PTPRG: variants seen among roughly 807,000 people sequenced by gnomAD.
The protein encoded by PTPRG is protein tyrosine phosphatase receptor type G, also known as receptor-type tyrosine-protein phosphatase gamma.
A neutral mutation model predicts 165.3 loss-of-function variants in PTPRG; 102 were observed. The observed-to-expected ratio is 0.62, with a 90% CI of 0.53 to 0.73. The LOEUF is 0.73. Ranked by LOEUF, PTPRG falls within the 30% of genes least tolerant of loss-of-function variation. The pLI, the probability that PTPRG is intolerant of heterozygous loss-of-function variation, is 0.00. For missense variants in PTPRG, 1,866 were observed against 1,861.4 expected, an observed-to-expected ratio of 1.00 and a Z score of -0.05; for synonymous variants, 675 against 669.5, an observed-to-expected ratio of 1.01 and a Z score of -0.13.
chr3:62,239,360 C>CTTTTTTTTTTTTTTTTTTTTTTTTT (rs776921598), intron 14 of PTPRG, among the ~76,000 whole-genome samples: 1 of 124,538 alleles, frequency 8.0e-6, no homozygotes, highest in African/African-American at 3.1e-5. Flanking sequence ...TTTTTTCTTT[C>CTTTTTTTTTTTTTTTTTTTTTTTTT]TTTTTTTTTT....
At chr3:61,836,062 C>CCAA (rs2036450402) in intron 2 of PTPRG, among the ~76,000 whole-genome samples, 60 of 103,584 alleles carry the variant, frequency 5.8e-4, no homozygotes, top group South Asian at 8.3e-4. Flanking sequence ...CCCCCCCCAC[C>CCAA]AAAAAAAAAA....
chr3:62,123,965 C>G (rs1489826508), intron 5 of PTPRG, among the ~76,000 whole-genome samples: 1 of 152,162 alleles, frequency 6.6e-6, no homozygotes, highest in Non-Finnish European at 1.5e-5. Context: ...AACCTTCCAA[C>G]TGCAGAAAGG....
chr3:62,075,764 C>CAAATCTCT (rs1701360090), intron 4 of PTPRG, among the ~76,000 whole-genome samples: 1 of 152,152 alleles, frequency 6.6e-6, no homozygotes, highest in African/African-American at 2.4e-5. Context: ...TGTTCACCGT[C>CAAATCTCT]AAATCTCTAA....
intron 12 of PTPRG, among the ~76,000 whole-genome samples, chr3:62,207,608 A>G (rs1700261273): frequency 6.6e-6 from 1 of 152,214 alleles, no homozygotes; most frequent in African/African-American, 2.4e-5. Context: ...ACTTTAATCA[A>G]TACCTGGTCT....
chr3:61,686,441 A>G (rs555122899), intron 1 of PTPRG, among the ~76,000 whole-genome samples: 46 of 152,286 alleles, frequency 3.0e-4, no homozygotes, highest in South Asian at 1.0e-3. Flanking sequence ...AGACGTCACT[A>G]TTGGGGACTT....
intron 28 of PTPRG, among the ~76,000 whole-genome samples, chr3:62,284,043 G>A (rs957133740): frequency 2.0e-5 from 3 of 152,006 alleles, no homozygotes; most frequent in African/African-American, 7.2e-5. Context: ...GTGGTATACA[G>A]TTACAGCATA....
At chr3:62,058,521 C>T (rs1292273372) in intron 4 of PTPRG, among the ~76,000 whole-genome samples, 2 of 152,040 alleles carry the variant, frequency 1.3e-5, no homozygotes, top group Non-Finnish European at 2.9e-5. Flanking sequence ...TCATCCCCCT[C>T]CCCCTCATAC....
chr3:61,973,682 A>G (rs1395408151), intron 2 of PTPRG, among the ~76,000 whole-genome samples: 1 of 151,926 alleles, frequency 6.6e-6, no homozygotes, highest in Non-Finnish European at 1.5e-5. Flanking sequence ...AAATATGAAA[A>G]TTACCTGGGC....
intron 17 of PTPRG, among the ~76,000 whole-genome samples, chr3:62,265,653 G>A (rs547811009): frequency 2.0e-3 from 298 of 152,156 alleles, no homozygotes; most frequent in Non-Finnish European, 3.4e-3. Flanking sequence ...AAAAAGCCAG[G>A]GGGAGAACAA....
At chr3:61,752,803 A>AAAAAAAG (rs2033493054) in intron 2 of PTPRG, among the ~76,000 whole-genome samples, 8 of 33,132 alleles carry the variant, frequency 2.4e-4, no homozygotes, top group African/African-American at 5.9e-4. Flanking sequence ...AAAAAAAAAG[A>AAAAAAAG]AAAAAAAAAA....
intron 2 of PTPRG, among the ~76,000 whole-genome samples, chr3:61,931,818 T>C (rs2107584677): frequency 1.3e-5 from 2 of 152,310 alleles, no homozygotes. Context: ...CTGATCCATG[T>C]TATTTGTTGA....
chr3:62,019,537 A>AG (rs1176818480), intron 4 of PTPRG, among the ~76,000 whole-genome samples: 2 of 151,976 alleles, frequency 1.3e-5, no homozygotes, highest in Non-Finnish European at 1.5e-5. Context: ...AAAAAAAAAA[A>AG]AAAAAGTCCT....
chr3:62,001,066 G>A (rs1455409950), intron 3 of PTPRG, among the ~76,000 whole-genome samples: 1 of 152,234 alleles, frequency 6.6e-6, no homozygotes, highest in African/African-American at 2.4e-5. Flanking sequence ...GACATCTTGT[G>A]CTCTGCAGTG....
At chr3:62,049,980 T>C (rs1700419124) in intron 4 of PTPRG, among the ~76,000 whole-genome samples, 1 of 152,212 alleles carries the variant, frequency 6.6e-6, no homozygotes, top group Non-Finnish European at 1.5e-5. Flanking sequence ...ACCAAGGAAA[T>C]TCTTAAAGCT....
At chr3:61,975,995 A>G (rs1043524800) in intron 2 of PTPRG, among the ~76,000 whole-genome samples, 5 of 152,146 alleles carry the variant, frequency 3.3e-5, no homozygotes, top group Admixed American at 1.3e-4. Flanking sequence ...GTGAAGTTCT[A>G]TGTCCTACCC....
At chr3:61,577,596 A>G (rs1244373399) in intron 1 of PTPRG, among the ~76,000 whole-genome samples, 1 of 152,256 alleles carries the variant, frequency 6.6e-6, no homozygotes, top group Non-Finnish European at 1.5e-5. Flanking sequence ...TGCCATTGAA[A>G]TTACTGTCAC....
At chr3:62,115,403 G>A (rs1414624270) in intron 5 of PTPRG, among the ~76,000 whole-genome samples, 1 of 152,116 alleles carries the variant, frequency 6.6e-6, no homozygotes, top group Non-Finnish European at 1.5e-5. Flanking sequence ...TATATCAAGA[G>A]GTTTTCAAGG....
At chr3:61,925,877 A>T (rs753969471) in intron 2 of PTPRG, 3 of 496,056 alleles carry the variant, frequency 6.0e-6, no homozygotes, top group African/African-American at 5.8e-5. Flanking sequence ...TGAATACATT[A>T]CTGTTCCAAC....
intron 2 of PTPRG, among the ~76,000 whole-genome samples, chr3:61,757,071 T>C (rs546060636): frequency 2.0e-5 from 3 of 152,192 alleles, no homozygotes; most frequent in Non-Finnish European, 4.4e-5. Context: ...TGGGTAATTA[T>C]AATACATGCT....
Sources: gnomAD v4.1 joint callset for allele counts (sites outside exome capture counted in the v4.1 genomes callset) on GRCh38, gnomAD v4.1.1 for gene constraint, MANE v1.5 for transcripts, NCBI Gene and HGNC (gene_info 2026-07-23, HGNC 2026-07-21) for gene names.